Variants in JAZF1 observed in about 807,000 individuals in gnomAD.
The protein encoded by JAZF1 is juxtaposed with another zinc finger protein 1.
JAZF1 carries 8 observed loss-of-function variants against 26.4 expected under a neutral mutation model. The ratio of observed to expected loss-of-function variants is 0.30; its 90% CI spans 0.18 to 0.55. JAZF1 has a LOEUF of 0.55. Ranked by LOEUF, JAZF1 falls within the 20% of genes least tolerant of loss-of-function variation. The pLI is 0.94. For missense variants in JAZF1, 199 were observed against 322.0 expected (o/e 0.62, Z 2.92); for synonymous variants, 126 against 122.3 (o/e 1.03, Z -0.20).
intron 1 of JAZF1, among the ~76,000 whole-genome samples, chr7:28,117,774 C>T (rs925014311): frequency 3.3e-5 from 5 of 152,178 alleles, no homozygotes; most frequent in Admixed American, 6.5e-5. Context: ...CATGAAACTG[C>T]ATTTATCACA....
In JAZF1 at chr7:28,019,263, C is replaced by T. The variant is rs147090648; in HGVS notation, c.116-27282G>A. 2.5e-3 allele frequency among the ~76,000 whole-genome samples: 388 copies of T among 152,324 alleles called. 1 individual carries two copies. The highest frequency in any genetic ancestry group is 9.0e-3 in the African/African-American group (376 of 41,572). ...GCGCTGACAAGCCACACTGTACCTC[C>T]TGCCTTGCTTCCACCTGTCCTCCTT... On this transcript the variant is annotated intron_variant, in intron 1 of 4. Transcript: ENST00000283928.
intron 1 of JAZF1, among the ~76,000 whole-genome samples, chr7:28,168,068 T>C (rs1783395216): frequency 6.6e-6 from 1 of 152,204 alleles, no homozygotes; most frequent in South Asian, 2.1e-4. Flanking sequence ...TAAACCCATC[T>C]GTATTAGTTA....
intron 1 of JAZF1, among the ~76,000 whole-genome samples, chr7:28,155,863 T>G (rs1783176838): frequency 6.6e-6 from 1 of 152,256 alleles, no homozygotes; most frequent in Non-Finnish European, 1.5e-5. Flanking sequence ...CCTGGGAAGA[T>G]GATCTTGTGC....
rs10691690 is a variant in JAZF1 at position 27,998,071 on chromosome 7, A to AAGGAAGGAAGGAAGGAAGGC, written c.116-6091_116-6090insGCCTTCCTTCCTTCCTTCCT. On this transcript the variant is annotated intron_variant, in intron 1 of 4. Transcript: ENST00000283928. ...GAAGGAAGGAAGGAAGGAAGGAAGG[A>AAGGAAGGAAGGAAGGAAGGC]AGGCAGGCAGGCAGGCAGGCAGGCA... Among the ~76,000 whole-genome samples, 201 of 111,570 alleles carry AAGGAAGGAAGGAAGGAAGGC rather than the reference A, an allele frequency of 1.8e-3. 3 individuals carry two copies. Among genetic ancestry groups the AAGGAAGGAAGGAAGGAAGGC allele is most frequent in the African/African-American group, 7.5e-3 (183 of 24,344 alleles). The allele number at this position is 111,570 out of a possible 152,430, so 73.2% of individuals were successfully genotyped here.
At chr7:27,855,478 A>T (rs187258229) in intron 3 of JAZF1, among the ~76,000 whole-genome samples, 1 of 152,288 alleles carries the variant, frequency 6.6e-6, no homozygotes, top group East Asian at 1.9e-4. Flanking sequence ...AGCCAAACTA[A>T]TAAGAAAAGA....
intron 2 of JAZF1, among the ~76,000 whole-genome samples, chr7:27,944,742 A>C (rs1784901021): frequency 6.6e-6 from 1 of 152,096 alleles, no homozygotes; most frequent in African/African-American, 2.4e-5. Context: ...AGCTGTTTCC[A>C]CTAGCAACGA....
intron 1 of JAZF1, among the ~76,000 whole-genome samples, chr7:28,037,384 T>C (rs897967992): frequency 6.6e-6 from 1 of 152,172 alleles, no homozygotes; most frequent in Non-Finnish European, 1.5e-5. Context: ...CTGTGTAGTA[T>C]TATAAGAGTT....
intron 1 of JAZF1, among the ~76,000 whole-genome samples, chr7:28,074,311 A>C (rs1784020557): frequency 6.6e-6 from 1 of 152,246 alleles, no homozygotes; most frequent in Non-Finnish European, 1.5e-5. Flanking sequence ...ATAATTCCAA[A>C]GTTTGAGTCA....
chr7:28,062,399 G>A (rs778567362), intron 1 of JAZF1, among the ~76,000 whole-genome samples: 1 of 152,048 alleles, frequency 6.6e-6, no homozygotes, highest in East Asian at 1.9e-4. Context: ...GTCCTTCAGC[G>A]GTGCATGTAT....
chr7:28,049,060 C>T (rs796797066), intron 1 of JAZF1, among the ~76,000 whole-genome samples: 1,231 of 122,904 alleles, frequency 0.01, 26 homozygotes, highest in African/African-American at 0.04. Flanking sequence ...CCTCCCCTCC[C>T]CTCCCTCCCT....
intron 2 of JAZF1, among the ~76,000 whole-genome samples, chr7:27,912,696 CT>C (rs1227036641): frequency 6.6e-6 from 1 of 152,078 alleles, no homozygotes; most frequent in Non-Finnish European, 1.5e-5. Context: ...TTTTTCCCCC[CT>C]ATATAATTTA....
chr7:27,921,345 T>TG, intron 2 of JAZF1, among the ~76,000 whole-genome samples: 1 of 152,086 alleles, frequency 6.6e-6, no homozygotes, highest in South Asian at 2.1e-4. Flanking sequence ...CTTTTTTTTT[T>TG]TTTTTCCTTT....
chr7:27,921,168 T>G (rs1204517971), intron 2 of JAZF1, among the ~76,000 whole-genome samples: 2 of 152,188 alleles, frequency 1.3e-5, no homozygotes, highest in Non-Finnish European at 2.9e-5. Context: ...CTGTAGGCTA[T>G]TAAAGTAATG....
At chr7:28,106,701 C>G (rs941183509) in intron 1 of JAZF1, among the ~76,000 whole-genome samples, 4 of 152,156 alleles carry the variant, frequency 2.6e-5, no homozygotes, top group African/African-American at 9.7e-5. Context: ...TTAAACAAAC[C>G]AGTGAGGCAG....
chr7:27,884,634 A>G (rs1783827549), intron 3 of JAZF1, among the ~76,000 whole-genome samples: 1 of 152,152 alleles, frequency 6.6e-6, no homozygotes, highest in Non-Finnish European at 1.5e-5. Context: ...GTCAGGCTTA[A>G]CTTGCTCAGC....
intron 1 of JAZF1, among the ~76,000 whole-genome samples, chr7:28,161,257 T>TAAAAAAAAA (rs10630786): frequency 6.5e-5 from 5 of 77,156 alleles, no homozygotes; most frequent in African/African-American, 9.9e-5. Flanking sequence ...TCCTTTAATC[T>TAAAAAAAAA]AAAAAAAAAA....
At chr7:27,976,713 C>A (rs984172699) in intron 2 of JAZF1, among the ~76,000 whole-genome samples, 4 of 149,888 alleles carry the variant, frequency 2.7e-5, no homozygotes, top group Admixed American at 2.7e-4. Context: ...AAAAAAAAGT[C>A]ATCGCTTTTA....
chr7:27,938,034 G>C (rs1310869957), intron 2 of JAZF1, among the ~76,000 whole-genome samples: 2 of 152,140 alleles, frequency 1.3e-5, no homozygotes, highest in African/African-American at 4.8e-5. Flanking sequence ...AAACAGGATG[G>C]ATACACTCAA....
At chr7:27,933,139 C>T (rs1583469181) in intron 2 of JAZF1, among the ~76,000 whole-genome samples, 1 of 152,034 alleles carries the variant, frequency 6.6e-6, no homozygotes, top group Non-Finnish European at 1.5e-5. Context: ...AAAAGCAGGA[C>T]AAAGATGATT....
Sources: allele counts gnomAD v4.1 joint callset (sites outside exome capture counted in the v4.1 genomes callset), GRCh38; gene constraint gnomAD v4.1.1; transcripts MANE v1.5; gene names NCBI Gene and HGNC (gene_info 2026-07-23, HGNC 2026-07-21).